WDR25: variants seen among roughly 807,000 people sequenced by gnomAD.
WDR25 encodes WD repeat domain 25.
WDR25 carries 35 observed loss-of-function variants against 47.7 expected under a neutral mutation model. The ratio of observed to expected loss-of-function variants is 0.73; its 90% CI spans 0.56 to 0.97. The LOEUF is 0.97. Ranked by LOEUF, WDR25 falls within the 50% of genes least tolerant of loss-of-function variation. The probability of loss-of-function intolerance (pLI) is 0.00; values close to 1 mark genes in which losing one functional copy is unlikely to be tolerated. For synonymous variants in WDR25, 248 were observed against 278.9 expected (o/e 0.89, Z 1.10); for missense variants, 634 against 704.7 (o/e 0.90, Z 1.14).
At chr14:100,439,865 AGCAT>A (rs1898615048) in intron 2 of WDR25, among the ~76,000 whole-genome samples, 1 of 152,220 alleles carries the variant, frequency 6.6e-6, no homozygotes, top group Non-Finnish European at 1.5e-5. Flanking sequence ...CCATTTGTAA[AGCAT>A]GCTGCAGTGG....
intron 2 of WDR25, among the ~76,000 whole-genome samples, chr14:100,456,151 AG>A (rs1899197157): frequency 6.6e-6 from 1 of 152,150 alleles, no homozygotes; most frequent in Admixed American, 6.5e-5. Flanking sequence ...TGAAGCCAGG[AG>A]TTCAAGACCA....
At chr14:100,503,430 G>C (rs1901008125) in intron 4 of WDR25, among the ~76,000 whole-genome samples, 1 of 152,092 alleles carries the variant, frequency 6.6e-6, no homozygotes, top group Admixed American at 6.5e-5. Flanking sequence ...TGGGGCCTCT[G>C]TTTCCTTGGA....
rs568984353 is a variant in WDR25, at chr14:100,520,536, T to C, written c.1102-5334T>C. On this transcript the variant is annotated intron_variant, in intron 4 of 6. Coordinates refer to ENST00000402312, the MANE Select transcript of WDR25 (RefSeq NM_001161476.3). ...TGTATATTCAACTAAGGATTGACCATGTAAATGTCAGCTGCTTTTGATAGC... is the reference window on the plus strand; with the variant it reads ...TGTATATTCAACTAAGGATTGACCACGTAAATGTCAGCTGCTTTTGATAGC... Among the ~76,000 whole-genome samples, 17 of 152,334 alleles carry C rather than the reference T, an allele frequency of 1.1e-4. No individual in the cohort carries two copies. In the South Asian group the frequency reaches 3.5e-3, roughly 32 times the overall value.
At chr14:100,494,395 C>G (rs1414729951) in intron 4 of WDR25, among the ~76,000 whole-genome samples, 3 of 152,190 alleles carry the variant, frequency 2.0e-5, no homozygotes, top group Non-Finnish European at 4.4e-5. Flanking sequence ...AAATTTGCAG[C>G]CTGATAATTC....
At chr14:100,435,504 T>C (rs1898473489) in intron 2 of WDR25, among the ~76,000 whole-genome samples, 1 of 152,218 alleles carries the variant, frequency 6.6e-6, no homozygotes, top group Admixed American at 6.5e-5. Context: ...ATGATAGTGA[T>C]ATGTGATCAA....
intron 2 of WDR25, chr14:100,454,427 G>A: frequency 2.3e-6 from 3 of 1,287,250 alleles, no homozygotes; most frequent in Non-Finnish European, 3.0e-6. Flanking sequence ...CAAAACAGAT[G>A]CTTAAAATTG....
intron 4 of WDR25, among the ~76,000 whole-genome samples, chr14:100,514,090 C>A (rs966674955): frequency 2.6e-5 from 4 of 151,762 alleles, no homozygotes; most frequent in Non-Finnish European, 4.4e-5. Flanking sequence ...CGCCCGCCAC[C>A]ACGCCCGGCT....
chr14:100,465,372 C>T (rs955693906), intron 2 of WDR25, among the ~76,000 whole-genome samples: 1 of 152,174 alleles, frequency 6.6e-6, no homozygotes, highest in South Asian at 2.1e-4. Context: ...TCCCCCTCCC[C>T]CAGCCCTGGC....
chr14:100,504,220 A>G (rs1901037623), intron 4 of WDR25, among the ~76,000 whole-genome samples: 1 of 152,200 alleles, frequency 6.6e-6, no homozygotes, highest in Non-Finnish European at 1.5e-5. Flanking sequence ...TAATTCCTTA[A>G]TATCATCCAC....
intron 2 of WDR25, among the ~76,000 whole-genome samples, chr14:100,445,288 A>G (rs1459694919): frequency 6.6e-6 from 1 of 152,244 alleles, no homozygotes; most frequent in Non-Finnish European, 1.5e-5. Context: ...CAAATAAGCC[A>G]TGGAATAAAG....
chr14:100,463,375 C>A (rs1175017614), intron 2 of WDR25, among the ~76,000 whole-genome samples: 1 of 152,202 alleles, frequency 6.6e-6, no homozygotes. Context: ...GACATGGTGA[C>A]CAGCCTCTTT....
intron 2 of WDR25, among the ~76,000 whole-genome samples, chr14:100,445,090 T>C (rs1898790768): frequency 6.6e-6 from 1 of 152,116 alleles, no homozygotes; most frequent in Non-Finnish European, 1.5e-5. Context: ...TGTCACCCCA[T>C]ATCCCCACCA....
intron 2 of WDR25, among the ~76,000 whole-genome samples, chr14:100,452,788 C>T (rs1187143322): frequency 6.6e-6 from 1 of 152,078 alleles, no homozygotes; most frequent in African/African-American, 2.4e-5. Flanking sequence ...GCTGAGATAC[C>T]AGTTTTTTGT....
intron 2 of WDR25, among the ~76,000 whole-genome samples, chr14:100,420,479 C>A (rs550265544): frequency 6.6e-6 from 1 of 152,062 alleles, no homozygotes; most frequent in Non-Finnish European, 1.5e-5. Context: ...GCTTTTTATT[C>A]CAGCAGGTTT....
At chr14:100,387,049 T>C (rs1323293490) in intron 2 of WDR25, among the ~76,000 whole-genome samples, 1 of 151,784 alleles carries the variant, frequency 6.6e-6, no homozygotes, top group African/African-American at 2.4e-5. Context: ...GGTAGCTGTG[T>C]GACTTTGGGA....
intron 2 of WDR25, among the ~76,000 whole-genome samples, chr14:100,390,968 A>T (rs1337082422): frequency 6.6e-6 from 1 of 152,226 alleles, no homozygotes; most frequent in African/African-American, 2.4e-5. Flanking sequence ...AGCATTTGTT[A>T]TCCTGATTCT....
rs575073080 is a variant in WDR25, at chr14:100,426,518, C to CTGCG, written c.823-41498_823-41495dup. On this transcript the variant is annotated intron_variant, in intron 2 of 6. Coordinates refer to ENST00000402312, the MANE Select transcript of WDR25 (RefSeq NM_001161476.3). ...AAAAGTCAATAAAGTACTCAGACGC[C>CTGCG]TGCGTGCGCCCAGCCCACATTTGTC... Among the ~76,000 whole-genome samples, 391 of 152,364 alleles carry CTGCG rather than the reference C, an allele frequency of 2.6e-3. 2 individuals carry two copies. Among genetic ancestry groups the CTGCG allele is most frequent in the African/African-American group, 9.0e-3 (374 of 41,592 alleles).
chr14:100,409,815 A>G (rs1360698199), intron 2 of WDR25, among the ~76,000 whole-genome samples: 1 of 152,190 alleles, frequency 6.6e-6, no homozygotes, highest in African/African-American at 2.4e-5. Context: ...GTTGAGGCCA[A>G]TGTGGCTCAA....
intron 4 of WDR25, among the ~76,000 whole-genome samples, chr14:100,491,599 A>C (rs1399759915): frequency 1.3e-5 from 2 of 152,240 alleles, no homozygotes. Flanking sequence ...GTGTAAGCGC[A>C]TGATGTTCAC....
Sources: gnomAD v4.1 joint callset for allele counts (sites outside exome capture counted in the v4.1 genomes callset) on GRCh38, gnomAD v4.1.1 for gene constraint, MANE v1.5 for transcripts, NCBI Gene and HGNC (gene_info 2026-07-23, HGNC 2026-07-21) for gene names.